PLXDC2: variants seen among roughly 807,000 people sequenced by gnomAD.
PLXDC2 encodes plexin domain containing 2.
In PLXDC2, 40 loss-of-function variants were observed where a neutral mutation model predicts 68.9. That is an observed-to-expected ratio of 0.58 (90% CI 0.45 to 0.76). The LOEUF is 0.76. Ranked by LOEUF, PLXDC2 falls within the 30% of genes least tolerant of loss-of-function variation. The pLI, the probability that PLXDC2 is intolerant of heterozygous loss-of-function variation, is 0.00. For missense variants in PLXDC2, 644 were observed against 661.9 expected (o/e 0.97, Z 0.30); for synonymous variants, 243 against 234.2 (o/e 1.04, Z -0.34).
chr10:20,054,304 A>T (rs1251793084), intron 3 of PLXDC2, among the ~76,000 whole-genome samples: 1 of 152,064 alleles, frequency 6.6e-6, no homozygotes, highest in Non-Finnish European at 1.5e-5. Flanking sequence ...AGTCTCGCTA[A>T]ACTGACTTAG....
intron 1 of PLXDC2, among the ~76,000 whole-genome samples, chr10:19,960,567 T>C (rs1834140266): frequency 6.6e-6 from 1 of 152,162 alleles, no homozygotes; most frequent in African/African-American, 2.4e-5. Context: ...TTTATTCTTC[T>C]ATCCTCTATG....
chr10:20,186,765 C>T lies in PLXDC2; in HGVS notation c.1061+9356C>T, dbSNP rs888213905. Among the ~76,000 whole-genome samples, 10 of 151,986 alleles carry T rather than the reference C, an allele frequency of 6.6e-5. 1 individual carries two copies. The East Asian group carries it at 9.7e-4, about 15-fold the overall frequency. Reference sequence around the variant, plus strand: ...TGATCTTCTTCTTTTTTTATGGCTGCGTAGTATTCCATCATGTATATGTAC... The same window carrying T: ...TGATCTTCTTCTTTTTTTATGGCTGTGTAGTATTCCATCATGTATATGTAC... On this transcript the variant is annotated intron_variant, in intron 9 of 13. Transcript: ENST00000377252.
At chr10:20,270,958 G>GAAA (rs141776302) in intron 13 of PLXDC2, among the ~76,000 whole-genome samples, 1 of 145,950 alleles carries the variant, frequency 6.9e-6, no homozygotes, top group African/African-American at 2.5e-5. Context: ...AAAAAAACTG[G>GAAA]AAAAAAAAAA....
chr10:19,853,655 G>C (rs889732955), intron 1 of PLXDC2, among the ~76,000 whole-genome samples: 4 of 49,218 alleles, frequency 8.1e-5, no homozygotes, highest in South Asian at 4.0e-4. Flanking sequence ...CTTTGGGTGG[G>C]GGGGGGGTTG....
At chr10:19,928,072 A>G (rs1833567990) in intron 1 of PLXDC2, among the ~76,000 whole-genome samples, 1 of 152,156 alleles carries the variant, frequency 6.6e-6, no homozygotes, top group Non-Finnish European at 1.5e-5. Flanking sequence ...AAGTTAGTTC[A>G]TTTAGAACAA....
chr10:19,823,484 C>G (rs1285513368), intron 1 of PLXDC2, among the ~76,000 whole-genome samples: 9 of 151,374 alleles, frequency 5.9e-5, no homozygotes, highest in Non-Finnish European at 1.3e-4. Flanking sequence ...GAGATCAAGA[C>G]CATCCTGGCC....
intron 6 of PLXDC2, among the ~76,000 whole-genome samples, chr10:20,154,498 A>T (rs142385078): frequency 6.6e-6 from 1 of 151,918 alleles, no homozygotes; most frequent in Non-Finnish European, 1.5e-5. Flanking sequence ...CGGGAGGCAG[A>T]AGTTGCACTG....
At chr10:20,051,438 A>G (rs928398022) in intron 3 of PLXDC2, among the ~76,000 whole-genome samples, 28 of 120,312 alleles carry the variant, frequency 2.3e-4, no homozygotes, top group Non-Finnish European at 5.0e-4. Flanking sequence ...ATATATATAT[A>G]TATATGTGCT....
intron 2 of PLXDC2, among the ~76,000 whole-genome samples, chr10:20,041,720 A>G (rs1337022182): frequency 2.0e-5 from 3 of 152,144 alleles, no homozygotes; most frequent in Non-Finnish European, 2.9e-5. Context: ...AAGAACAGAA[A>G]TACTTTTTCT....
intron 1 of PLXDC2, among the ~76,000 whole-genome samples, chr10:19,909,257 C>T (rs1281646504): frequency 6.6e-6 from 1 of 152,180 alleles, no homozygotes; most frequent in Non-Finnish European, 1.5e-5. Context: ...ACCACACACT[C>T]ACACACAGAT....
intron 3 of PLXDC2, among the ~76,000 whole-genome samples, chr10:20,051,746 C>T (rs1164375473): frequency 3.3e-5 from 5 of 151,728 alleles, no homozygotes; most frequent in African/African-American, 4.8e-5. Context: ...AGAAAATTTG[C>T]GTTTCTGACA....
intron 1 of PLXDC2, among the ~76,000 whole-genome samples, chr10:19,926,957 TTCTG>T (rs1377304297): frequency 1.3e-5 from 2 of 152,186 alleles, no homozygotes; most frequent in Non-Finnish European, 2.9e-5. Flanking sequence ...TCCTAAGTCT[TTCTG>T]TCTCTTTCCT....
intron 10 of PLXDC2, among the ~76,000 whole-genome samples, chr10:20,213,211 C>T (rs781066771): frequency 5.3e-5 from 8 of 151,842 alleles, no homozygotes; most frequent in Non-Finnish European, 8.8e-5. Context: ...AAATCTATTC[C>T]ATTTGGAATT....
At chr10:20,076,247 C>T (rs1045513960) in intron 4 of PLXDC2, among the ~76,000 whole-genome samples, 1 of 152,134 alleles carries the variant, frequency 6.6e-6, no homozygotes, top group Non-Finnish European at 1.5e-5. Flanking sequence ...AAAAGAGTTC[C>T]CTCAATTCCT....
intron 2 of PLXDC2, among the ~76,000 whole-genome samples, chr10:20,044,126 C>CCTTCCTTCCTT: frequency 5.8e-3 from 86 of 14,880 alleles, no homozygotes; most frequent in African/African-American, 0.017. Context: ...CTTCCTTCCT[C>CCTTCCTTCCTT]CCTCCCTCCC....
At chr10:20,096,201 G>T (rs1481870024) in intron 4 of PLXDC2, among the ~76,000 whole-genome samples, 5 of 152,134 alleles carry the variant, frequency 3.3e-5, no homozygotes, top group Admixed American at 6.5e-5. Context: ...GTCCTAATTA[G>T]TATCTTGTGC....
chr10:20,228,034 T>G (rs772620111), intron 12 of PLXDC2, among the ~76,000 whole-genome samples: 22 of 152,112 alleles, frequency 1.4e-4, no homozygotes, highest in Non-Finnish European at 2.9e-4. Flanking sequence ...GTTATCTGGG[T>G]GGACAGTGGT....
chr10:20,016,801 A>G (rs528519680), intron 2 of PLXDC2, among the ~76,000 whole-genome samples: 1 of 152,316 alleles, frequency 6.6e-6, no homozygotes, highest in African/African-American at 2.4e-5. Flanking sequence ...GGCCATCCAC[A>G]TACAAAATAA....
intron 1 of PLXDC2, among the ~76,000 whole-genome samples, chr10:19,839,268 C>T (rs1836859981): frequency 6.6e-6 from 1 of 152,096 alleles, no homozygotes; most frequent in Admixed American, 6.6e-5. Context: ...CTTGTCCAAC[C>T]CATGGCCCAT....
Sources: gnomAD v4.1 joint callset for allele counts (sites outside exome capture counted in the v4.1 genomes callset) on GRCh38, gnomAD v4.1.1 for gene constraint, MANE v1.5 for transcripts, NCBI Gene and HGNC (gene_info 2026-07-23, HGNC 2026-07-21) for gene names.